Variants in CLYBL observed in about 807,000 individuals in gnomAD.
The protein encoded by CLYBL is citramalyl-CoA lyase.
Under a neutral mutation model 38.9 loss-of-function variants are expected in CLYBL, and 31 were observed. The observed-to-expected ratio is 0.80, with a 90% CI of 0.60 to 1.08. The LOEUF is 1.08. CLYBL is among the 50% of genes least tolerant of loss of function. The pLI is 0.00. For missense variants in CLYBL, 434 were observed against 411.6 expected (o/e 1.05, Z -0.47); for synonymous variants, 171 against 158.6 (o/e 1.08, Z -0.59).
chr13:99,880,070 T>TATATATATATATA (rs1186082855), intron 7 of CLYBL, among the ~76,000 whole-genome samples: 3 of 29,112 alleles, frequency 1.0e-4, no homozygotes, highest in Non-Finnish European at 2.2e-4. Context: ...ATATATATAT[T>TATATATATATATA]TTTTTTTTTT....
chr13:99,677,339 A>G lies in CLYBL; in HGVS notation c.62+70582A>G, dbSNP rs528473853. On this transcript the variant is annotated intron_variant, in intron 1 of 8. Transcript: ENST00000339105. The stretch of plus-strand genomic sequence containing the variant: ...ATACATTGACTTTGAGAGAGGAAAA[A>G]AAAAAAGCTTGTAATTGCCGATCAC... 2.1e-3 allele frequency among the ~76,000 whole-genome samples: 324 copies of G among 152,334 alleles called. 2 individuals are homozygous for G. Among genetic ancestry groups the G allele is most frequent in the African/African-American group, 7.2e-3 (299 of 41,572 alleles).
At chr13:99,854,346 T>A (rs2051404530) in intron 2 of CLYBL, among the ~76,000 whole-genome samples, 1 of 151,640 alleles carries the variant, frequency 6.6e-6, no homozygotes, top group Non-Finnish European at 1.5e-5. Flanking sequence ...GTTTATACTT[T>A]GTAGTTTTAT....
At chr13:99,713,913 C>T (rs2048273745) in intron 1 of CLYBL, among the ~76,000 whole-genome samples, 1 of 152,076 alleles carries the variant, frequency 6.6e-6, no homozygotes, top group South Asian at 2.1e-4. Context: ...GTCTCAAACT[C>T]CTGGGCTCAA....
intron 2 of CLYBL, among the ~76,000 whole-genome samples, chr13:99,819,356 A>G (rs1407449560): frequency 7.0e-6 from 1 of 143,848 alleles, no homozygotes; most frequent in South Asian, 2.3e-4. Flanking sequence ...AAAAAAATTA[A>G]TAGACCCTCA....
chr13:99,617,563 A>C (rs537441708), intron 1 of CLYBL, among the ~76,000 whole-genome samples: 1 of 152,354 alleles, frequency 6.6e-6, no homozygotes, highest in Admixed American at 6.5e-5. Context: ...GTAGTGAGGC[A>C]CTGGAGGGCG....
intron 1 of CLYBL, among the ~76,000 whole-genome samples, chr13:99,623,458 C>T (rs1307737217): frequency 6.6e-6 from 1 of 152,184 alleles, no homozygotes; most frequent in Non-Finnish European, 1.5e-5. Context: ...CTCCCTCCTA[C>T]CTCTTTCTCT....
chr13:99,607,156 T>C lies in CLYBL; in HGVS notation c.62+399T>C, dbSNP rs374832393. Among the ~76,000 whole-genome samples, 43 of 152,258 alleles carry C rather than the reference T, an allele frequency of 2.8e-4. 2 individuals are homozygous for C. The South Asian group carries it at 6.8e-3, about 24-fold the overall frequency. On this transcript the variant is annotated intron_variant, in intron 1 of 8. Coordinates refer to ENST00000339105, the MANE Select transcript of CLYBL (RefSeq NM_206808.5). ...TGGTCTCAGGACCCGTTTACACGTC[T>C]AAAAATAATTTGAGGACCCCCCAAA...
rs572058696 is a variant in CLYBL at position 99,863,035 on chromosome 13, A to G, written c.483A>G (p.Glu161=). 3 of 1,611,792 alleles carry G rather than the reference A, an allele frequency of 1.9e-6. No individual in the cohort carries two copies. The highest frequency in any genetic ancestry group is 2.2e-5 in the South Asian group (2 of 90,646). Residue 161 remains glutamate (E), a synonymous_variant, in exon 4 of 9, where the codon GAA becomes GAG. Transcript: ENST00000339105. ...FSFHLKGRKL[E]QPMNLIPFVE... ...TCCACTTAAAAGGCCGAAAACTTGA[A>G]CAACCAATGAATTTAATCCCTTTTG... is the stretch of plus-strand genomic sequence containing the variant.
chr13:99,874,266 C>T (rs2051981111), intron 7 of CLYBL, among the ~76,000 whole-genome samples: 1 of 152,198 alleles, frequency 6.6e-6, no homozygotes, highest in Non-Finnish European at 1.5e-5. Flanking sequence ...CAATATTAAT[C>T]AAACTGACTT....
chr13:99,833,628 G>A (rs1214261727), intron 2 of CLYBL, among the ~76,000 whole-genome samples: 1 of 149,472 alleles, frequency 6.7e-6, no homozygotes, highest in Non-Finnish European at 1.5e-5. Context: ...TAGGTATTTG[G>A]CACTGCCAGA....
In CLYBL at chr13:99,685,797, A is replaced by G. The variant is rs565543152; in HGVS notation, c.62+79040A>G. Among the ~76,000 whole-genome samples the G allele has an allele frequency of 2.0e-5, 3 of 152,160 alleles. No homozygotes were observed. The South Asian group carries it at 6.2e-4, about 32-fold the overall frequency. ...GCCAACATGGTGAAACCCCGCCTCT[A>G]CTAAAAATACAAAAATTAGCTGGGT... On this transcript the variant is annotated intron_variant, in intron 1 of 8. Coordinates refer to ENST00000339105, the MANE Select transcript of CLYBL (RefSeq NM_206808.5).
At chr13:99,794,685 G>C (rs957765269) in intron 2 of CLYBL, among the ~76,000 whole-genome samples, 9 of 151,364 alleles carry the variant, frequency 5.9e-5, no homozygotes, top group Non-Finnish European at 1.3e-4. Context: ...TCCACCGTCT[G>C]AGTTCAACCA....
intron 1 of CLYBL, among the ~76,000 whole-genome samples, chr13:99,710,351 CG>C (rs1222836089): frequency 6.6e-6 from 1 of 152,164 alleles, no homozygotes; most frequent in African/African-American, 2.4e-5. Context: ...GAGGCAGTCA[CG>C]GGGCCGCACA....
intron 2 of CLYBL, among the ~76,000 whole-genome samples, chr13:99,836,367 C>T (rs2050934926): frequency 6.6e-6 from 1 of 152,180 alleles, no homozygotes; most frequent in South Asian, 2.1e-4. Context: ...GCCTCAGTTC[C>T]AGCACACAGA....
chr13:99,826,036 C>T (rs879291747), intron 2 of CLYBL, among the ~76,000 whole-genome samples: 3 of 152,200 alleles, frequency 2.0e-5, no homozygotes, highest in Non-Finnish European at 2.9e-5. Context: ...AGGCCAGACT[C>T]TTCAGGGCCT....
intron 1 of CLYBL, among the ~76,000 whole-genome samples, chr13:99,705,301 C>A (rs565774647): frequency 2.6e-5 from 4 of 152,076 alleles, no homozygotes; most frequent in Admixed American, 6.6e-5. Context: ...TGAAATTCTA[C>A]CAGTCACGGT....
intron 1 of CLYBL, among the ~76,000 whole-genome samples, chr13:99,661,870 C>A (rs943514116): frequency 6.6e-6 from 1 of 152,166 alleles, no homozygotes; most frequent in Non-Finnish European, 1.5e-5. Context: ...TTGTGGATGC[C>A]TCCAGAGCAC....
chr13:99,862,851 T>A lies in CLYBL; in HGVS notation c.439-140T>A, dbSNP rs9585250. 4,019 of 433,946 alleles carry A rather than the reference T, an allele frequency of 9.3e-3. 175 individuals are homozygous for A. Among genetic ancestry groups the A allele is most frequent in the African/African-American group, 0.075 (3,642 of 48,866 alleles). The allele number at this position is 433,946 out of a possible 1,614,324, so 26.9% of individuals were successfully genotyped here. A position where few individuals can be genotyped will look rare whatever the true frequency, so the allele number is the denominator to read the frequency against. On this transcript the variant is annotated intron_variant, in intron 3 of 8. Transcript: ENST00000339105. ...TCTTTGGACTTTCTTCTTATTTTTT[T>A]AAAAAAATTCTTTTGTGTGGACGAA... is the stretch of plus-strand genomic sequence containing the variant.
At chr13:99,696,888 G>GT (rs1235968304) in intron 1 of CLYBL, among the ~76,000 whole-genome samples, 5 of 152,150 alleles carry the variant, frequency 3.3e-5, no homozygotes, top group Non-Finnish European at 5.9e-5. Flanking sequence ...TCTGTAGACA[G>GT]TTTAAGTCTC....
Sources: gnomAD v4.1 joint callset for allele counts (sites outside exome capture counted in the v4.1 genomes callset) on GRCh38, gnomAD v4.1.1 for gene constraint, MANE v1.5 for transcripts, NCBI Gene and HGNC (gene_info 2026-07-23, HGNC 2026-07-21) for gene names.